Variants in TRPM1 observed in about 807,000 individuals in gnomAD.
TRPM1 encodes TRPM1-203 APA Isoform, Intron 10.
TRPM1 carries 113 observed loss-of-function variants against 149.4 expected under a neutral mutation model. The observed-to-expected ratio is 0.76, with a 90% CI of 0.65 to 0.88. The LOEUF is 0.88. TRPM1 is among the 40% of genes least tolerant of loss of function. The probability of loss-of-function intolerance (pLI) is 0.00; values close to 1 mark genes in which losing one functional copy is unlikely to be tolerated. For missense variants in TRPM1, 1,976 were observed against 2,038.7 expected (o/e 0.97, Z 0.59); for synonymous variants, 741 against 759.5 (o/e 0.98, Z 0.40).
At chr15:31,156,128 C>T (rs978605718) in intron 1 of TRPM1, among the ~76,000 whole-genome samples, 3 of 121,484 alleles carry the variant, frequency 2.5e-5, no homozygotes, top group South Asian at 2.9e-4. Context: ...ACCTGGGAGG[C>T]GGAGGTTGTA....
At chr15:31,082,216 G>A (rs2034879365) in intron 1 of TRPM1, among the ~76,000 whole-genome samples, 1 of 152,174 alleles carries the variant, frequency 6.6e-6, no homozygotes, top group South Asian at 2.1e-4. Flanking sequence ...GCCCACTTGT[G>A]CAAAATATTC....
intron 27 of TRPM1, among the ~76,000 whole-genome samples, chr15:31,022,120 T>G (rs2032570610): frequency 6.6e-6 from 1 of 152,138 alleles, no homozygotes; most frequent in Non-Finnish European, 1.5e-5. Context: ...CTGACAAAAT[T>G]TTGTCAGGAA....
intron 3 of TRPM1, among the ~76,000 whole-genome samples, chr15:31,072,014 T>TAGAGAGAGAGAG (rs1320448721): frequency 1.1e-4 from 3 of 28,282 alleles, no homozygotes; most frequent in Non-Finnish European, 1.3e-4. Flanking sequence ...TATATATATA[T>TAGAGAGAGAGAG]ATATAGAGAG....
intron 1 of TRPM1, among the ~76,000 whole-genome samples, chr15:31,112,867 AAC>A (rs2035711127): frequency 6.6e-6 from 1 of 152,222 alleles, no homozygotes; most frequent in African/African-American, 2.4e-5. Context: ...TCTTTCTTGT[AAC>A]CCAGCATTCC....
At chr15:31,132,591 G>A (rs994133373) in intron 1 of TRPM1, among the ~76,000 whole-genome samples, 6 of 152,226 alleles carry the variant, frequency 3.9e-5, no homozygotes, top group African/African-American at 1.4e-4. Flanking sequence ...ACACTGTGGT[G>A]GGTTCTGGAC....
chr15:31,091,597 C>T (rs574619304), intron 1 of TRPM1, among the ~76,000 whole-genome samples: 4 of 152,150 alleles, frequency 2.6e-5, no homozygotes, highest in African/African-American at 4.8e-5. Flanking sequence ...GGAGGCTGAC[C>T]GGGTGGGAGT....
intron 1 of TRPM1, among the ~76,000 whole-genome samples, chr15:31,088,790 C>A (rs56070679): frequency 0.17 from 20,820 of 126,108 alleles, 1,578 homozygotes; most frequent in African/African-American, 0.24. Context: ...AACACCTGAA[C>A]GTTCTTTCTG....
chr15:31,020,485 A>G (rs947028993), intron 27 of TRPM1, among the ~76,000 whole-genome samples: 1 of 152,214 alleles, frequency 6.6e-6, no homozygotes, highest in African/African-American at 2.4e-5. Flanking sequence ...GGTCATGGGA[A>G]CCACACTGAC....
chr15:31,037,828 A>G lies in TRPM1; in HGVS notation c.2454T>C (p.Asp818=), dbSNP rs373148458. Residue 818 remains aspartate, a synonymous_variant, in exon 20 of 28, where the codon GAT becomes GAC. Coordinates refer to ENST00000256552, the MANE Select transcript of TRPM1 (RefSeq NM_001252024.2). ...CCTCATCCCCCTTTCTTGAGCCAGC[A>G]TCTGCATTTGCATCCTGGAAAACAG... ...KEEENTDANA[D]AGSRKGDEEN... 3.8e-5 allele frequency: 61 copies of G among 1,614,066 alleles called. No homozygotes were observed. The highest frequency in any genetic ancestry group is 4.7e-5 in the Non-Finnish European group (56 of 1,180,032).
At chr15:31,112,049 G>A (rs2035696917) in intron 1 of TRPM1, among the ~76,000 whole-genome samples, 1 of 152,204 alleles carries the variant, frequency 6.6e-6, no homozygotes, top group South Asian at 2.1e-4. Flanking sequence ...TGAAACACAG[G>A]CCAAGGCAAG....
intron 1 of TRPM1, among the ~76,000 whole-genome samples, chr15:31,088,870 T>G (rs1160739639): frequency 1.0e-4 from 4 of 38,868 alleles, no homozygotes; most frequent in Non-Finnish European, 1.7e-4. Context: ...GGTATTGACA[T>G]TTGGCCCCCC....
In TRPM1 at chr15:31,032,772, T is replaced by C. The variant is rs765093575; in HGVS notation, c.2869A>G (p.Ile957Val). The stretch of plus-strand genomic sequence containing the variant: ...AGGACACGGATGTACCAGAAGATGA[T>C]ATCCACACAGTAGATCACCCGGCCA... ...GYGRVIYCVD[I>V]IFWYIRVLDI... The change falls in exon 22 of 28, where the codon ATC (isoleucine) becomes GTC (valine). Residue 957 changes from isoleucine to valine, a missense_variant. This residue lies in a region of TRPM1 where 1,332 missense variants were observed against 1,347.1 expected (regional missense o/e 0.99). Transcript: ENST00000256552. The C allele has an allele frequency of 2.2e-5, 35 of 1,614,040 alleles. No individual in the cohort carries two copies. The highest frequency in any genetic ancestry group is 8.8e-5 in the South Asian group (8 of 91,080).
chr15:31,061,930 T>C (rs961496817), intron 9 of TRPM1, among the ~76,000 whole-genome samples: 1 of 152,106 alleles, frequency 6.6e-6, no homozygotes, highest in Admixed American at 6.6e-5. Context: ...TCAGGTGATC[T>C]GCCTGTCTCA....
intron 1 of TRPM1, among the ~76,000 whole-genome samples, chr15:31,159,039 G>C (rs563477618): frequency 6.6e-6 from 1 of 152,178 alleles, no homozygotes; most frequent in South Asian, 2.1e-4. Context: ...AAATGGAGTC[G>C]CTCTGGTTCA....
rs751640802 is a variant in TRPM1, at chr15:31,001,909, A to G, written c.4791T>C (p.Ser1597=). The G allele has an allele frequency of 5.1e-5, 82 of 1,614,134 alleles. No individual in the cohort carries two copies. The highest frequency in any genetic ancestry group is 6.5e-5 in the Non-Finnish European group (77 of 1,180,028). The change falls in exon 28 of 28, where the codon AGT becomes AGC. Residue 1597 remains serine, a synonymous_variant. Transcript: ENST00000256552. ...CAGACACAATTACTAAGCTGCTTAC[A>G]CTACTGGCATGTCCAGATCTGTCTA... The part of the protein sequence containing the change: ...GKLDRSGHAS[S]VSSLVIVSGM...
At chr15:31,017,241 G>A (rs1208540752) in intron 27 of TRPM1, among the ~76,000 whole-genome samples, 1 of 152,060 alleles carries the variant, frequency 6.6e-6, no homozygotes, top group African/African-American at 2.4e-5. Flanking sequence ...CCCGGGAGGC[G>A]GAGGTTGCAG....
chr15:31,026,271 T>A lies in TRPM1; in HGVS notation c.3497A>T (p.Lys1166Met), dbSNP rs1276474392. ...TAGCTCCTCGTCGCTAAGGAAGAGC[T>A]CTGTGTGAAGGGAGAAGTGTCGGCC... ...GDQEERDRGL[K>M]LFLSDEELKR... Residue 1166 changes from lysine (K) to methionine (M), a missense_variant and splice_region_variant, in exon 27 of 28, where the codon AAG becomes ATG. By Grantham distance (95) the Lys-to-Met change is moderately conservative (BLOSUM62 -1). Coordinates refer to ENST00000256552, the MANE Select transcript of TRPM1 (RefSeq NM_001252024.2). The A allele has an allele frequency of 5.6e-6, 9 of 1,610,152 alleles. No homozygotes were observed. The South Asian group carries it at 9.9e-5, about 18-fold the overall frequency.
chr15:31,091,192 G>A (rs1199750170), intron 1 of TRPM1, among the ~76,000 whole-genome samples: 1 of 152,244 alleles, frequency 6.6e-6, no homozygotes, highest in Non-Finnish European at 1.5e-5. Context: ...TGGCAGAGCT[G>A]AGAGTGAAAC....
rs190119440 is a variant in TRPM1 at position 31,076,128 on chromosome 15, G to A, written c.83+777C>T. Reference sequence around the variant, plus strand: ...GTTTCATAATGGCATTTCTTACCTCGGGGGGCAATCACTGGGGTTTAAGCA... The same window carrying A: ...GTTTCATAATGGCATTTCTTACCTCAGGGGGCAATCACTGGGGTTTAAGCA... On this transcript the variant is annotated intron_variant, in intron 3 of 27. Coordinates refer to ENST00000256552, the MANE Select transcript of TRPM1 (RefSeq NM_001252024.2). Among the ~76,000 whole-genome samples, 215 of 61,012 alleles carry A rather than the reference G, an allele frequency of 3.5e-3. 1 individual carries two copies. The highest frequency in any genetic ancestry group is 6.5e-3 in the African/African-American group (196 of 30,166). The allele number at this position is 61,012 out of a possible 152,430, so 40.0% of individuals were successfully genotyped here.
Sources: gnomAD v4.1 joint callset for allele counts (sites outside exome capture counted in the v4.1 genomes callset) on GRCh38, gnomAD v4.1.1 for gene constraint, gnomAD v4.1.1 regional missense constraint, MANE v1.5 for transcripts, NCBI Gene and HGNC (gene_info 2026-07-23, HGNC 2026-07-21) for gene names.